Variants in REXO4 observed in about 807,000 individuals in gnomAD.
REXO4 encodes RNA exonuclease 4.
Under a neutral mutation model 39.9 loss-of-function variants are expected in REXO4, and 29 were observed. That is an observed-to-expected ratio of 0.73 (90% CI 0.54 to 0.99). REXO4 has a LOEUF of 0.99. Ranked by LOEUF, REXO4 falls within the 50% of genes least tolerant of loss-of-function variation. The pLI is 0.00. For synonymous variants in REXO4, 184 were observed against 206.2 expected, an observed-to-expected ratio of 0.89 and a Z score of 0.92; for missense variants, 524 against 546.5, an observed-to-expected ratio of 0.96 and a Z score of 0.41.
Position 133,406,795 on chromosome 9 carries a change from G to C in REXO4, c.*158C>G. The C allele has an allele frequency of 5.6e-6, 6 of 1,072,740 alleles. No homozygotes were observed. Among genetic ancestry groups the C allele is most frequent in the African/African-American group, 1.6e-5 (1 of 63,850 alleles). 66.5% of individuals were successfully genotyped at this position (1,072,740 alleles called of 1,614,324 possible). On this transcript the variant is annotated 3_prime_UTR_variant, in exon 8 of 8. Coordinates refer to ENST00000371942, the MANE Select transcript of REXO4 (RefSeq NM_020385.4). ...ACCAGGTTTCAGACCACAAAGTCAA[G>C]AGGAAGGAGGACCTTCTCAGTAGCA...
intron 1 of REXO4, among the ~76,000 whole-genome samples, chr9:133,415,220 T>C (rs1435123988): frequency 2.6e-5 from 4 of 152,190 alleles, no homozygotes; most frequent in Non-Finnish European, 5.9e-5. Flanking sequence ...TGCTGTTTCT[T>C]TGCTTATCTT....
chr9:133,408,930 A>C (rs905679053), intron 5 of REXO4, 88 bp from the exon 6 acceptor site: 5 of 529,930 alleles, frequency 9.4e-6, no homozygotes, highest in Admixed American at 2.7e-5. Flanking sequence ...TGCAAGTAAC[A>C]TCTTTGTGTG....
upstream of REXO4, chr9:133,418,069 A>G: frequency 3.6e-6 from 2 of 550,066 alleles, no homozygotes; most frequent in Non-Finnish European, 6.4e-6. Context: ...CCGGCTGGAA[A>G]CCGGATCCCT....
intron 6 of REXO4, among the ~76,000 whole-genome samples, chr9:133,408,200 A>G (rs372026217): frequency 6.6e-6 from 1 of 152,130 alleles, no homozygotes; most frequent in African/African-American, 2.4e-5. Flanking sequence ...CACACCTGTA[A>G]TCTCAGCACT....
At chr9:133,409,114 C>T (rs1298127380) in intron 5 of REXO4, among the ~76,000 whole-genome samples, 2 of 151,970 alleles carry the variant, frequency 1.3e-5, no homozygotes, top group African/African-American at 2.4e-5. Flanking sequence ...TACAAGTGCC[C>T]GCCACCATGC....
chr9:133,408,708 A>G (rs1839044920), intron 6 of REXO4, 60 bp downstream of exon 6: 1 of 1,202,852 alleles, frequency 8.3e-7, no homozygotes, highest in Non-Finnish European at 1.2e-6. Context: ...GTGACCAGAA[A>G]CAATGAAGTG....
chr9:133,413,545 G>A (rs914460939), intron 2 of REXO4, among the ~76,000 whole-genome samples: 9 of 152,124 alleles, frequency 5.9e-5, no homozygotes, highest in East Asian at 3.8e-4. Flanking sequence ...AAGGTAACAC[G>A]TTCATTATTG....
At chr9:133,414,638 C>T (rs190829972) in intron 2 of REXO4, 27 bp downstream of exon 2, 1 of 1,607,820 alleles carries the variant, frequency 6.2e-7, no homozygotes, top group East Asian at 2.2e-5. Context: ...TGCCTCGGTT[C>T]TCAGTGGTGA....
chr9:133,407,958 G>C lies in REXO4; in HGVS notation c.1075-77C>G, dbSNP rs1299824435. On this transcript the variant is annotated intron_variant, in intron 6 of 7. Coordinates refer to ENST00000371942, the MANE Select transcript of REXO4 (RefSeq NM_020385.4). Reference sequence around the variant, plus strand: ...GGGTCACCCCACCAAGCAGGGAGCGGTTGGCTACTGAACCTCACCCAAGCG... The same window carrying C: ...GGGTCACCCCACCAAGCAGGGAGCGCTTGGCTACTGAACCTCACCCAAGCG... 27 of 1,164,478 alleles carry C rather than the reference G, an allele frequency of 2.3e-5. No homozygotes were observed. The East Asian group carries it at 6.5e-4, about 28-fold the overall frequency. 72.1% of individuals were successfully genotyped at this position (1,164,478 alleles called of 1,614,324 possible).
At position 133,417,474 on chromosome 9, in the gene REXO4, G is replaced by T. The variant is rs1363664291; in HGVS notation, c.225+146C>A. ...ACAAGTTCGAGACCTCCCTCAACAGGCCACCTTTCTTGTGAAAAGCTGTTT... is the reference window on the plus strand; with the variant it reads ...ACAAGTTCGAGACCTCCCTCAACAGTCCACCTTTCTTGTGAAAAGCTGTTT... On this transcript the variant is annotated intron_variant, in intron 1 of 7. Transcript: ENST00000371942. The T allele has an allele frequency of 1.7e-5, 14 of 806,830 alleles. No individual in the cohort carries two copies. The East Asian group carries it at 3.5e-4, about 20-fold the overall frequency. 50.0% of individuals were successfully genotyped at this position (806,830 alleles called of 1,614,324 possible).
upstream of REXO4, chr9:133,418,048 T>C: frequency 1.7e-6 from 1 of 583,072 alleles, no homozygotes; most frequent in Non-Finnish European, 3.0e-6. Context: ...GAAGCGCTCG[T>C]CTCTCCACAA....
At chr9:133,411,117 TCAC>T (rs1554780052) in intron 4 of REXO4, 44 bp from the exon 5 acceptor site, 3 of 1,497,454 alleles carry the variant, frequency 2.0e-6, no homozygotes, top group Non-Finnish European at 1.9e-6. Flanking sequence ...AACACACACA[TCAC>T]CATCATTCTG....
At chr9:133,407,972 C>G in intron 6 of REXO4, 91 bp from the exon 7 acceptor site, 1 of 952,010 alleles carries the variant, frequency 1.1e-6, no homozygotes, top group Non-Finnish European at 1.6e-6. Context: ...GCTACTGAAC[C>G]TCACCCAAGC....
chr9:133,416,617 A>G (rs144482258), intron 1 of REXO4, among the ~76,000 whole-genome samples: 1 of 152,332 alleles, frequency 6.6e-6, no homozygotes, highest in African/African-American at 2.4e-5. Flanking sequence ...TGAGTGACGC[A>G]CGTGGAAGAG....
chr9:133,416,911 CGTAA>C (rs1839652436), intron 1 of REXO4, among the ~76,000 whole-genome samples: 2 of 152,200 alleles, frequency 1.3e-5, no homozygotes, highest in African/African-American at 2.4e-5. Flanking sequence ...ACTTCAAGAC[CGTAA>C]GTGTCGCTAG....
rs1286170572 is a variant in REXO4 at position 133,407,952 on chromosome 9, GGA to G, written c.1075-73_1075-72del. ...CAAAGAGGGTCACCCCACCAAGCAG[GGA>G]GCGGTTGGCTACTGAACCTCACCCA... On this transcript the variant is annotated intron_variant, in intron 6 of 7. Transcript: ENST00000371942. 2.2e-5 allele frequency: 27 copies of G among 1,254,636 alleles called. No homozygotes were observed. The East Asian group carries it at 6.4e-4, about 30-fold the overall frequency. The allele number at this position is 1,254,636 out of a possible 1,614,324, so 77.7% of individuals were successfully genotyped here.
At position 133,414,993 on chromosome 9, in the gene REXO4, A is replaced by AT. The variant is rs1839486523; in HGVS notation, c.243dup (p.Ser82IlefsTer75). The AT allele has an allele frequency of 6.3e-7, 1 of 1,582,344 alleles. No individual in the cohort carries two copies. Among genetic ancestry groups the AT allele is most frequent in the Admixed American group, 2.0e-5 (1 of 50,542 alleles). ...ACAAGAGGCTTTTCTGGGGCCTGAGATTTTTGTTTCAGCAGCCACTGGGAC... is the reference window on the plus strand; with the variant it reads ...ACAAGAGGCTTTTCTGGGGCCTGAGATTTTTTGTTTCAGCAGCCACTGGGAC... On this transcript the variant is annotated frameshift_variant, in exon 2 of 8. Transcript: ENST00000371942. LOFTEE classifies it high-confidence loss of function.
intron 3 of REXO4, 65 bp from the exon 4 acceptor site, chr9:133,412,557 C>A: frequency 6.4e-7 from 1 of 1,561,592 alleles, no homozygotes; most frequent in African/African-American, 1.4e-5. Context: ...AGGTCAGAGC[C>A]CCAGGGATCC....
intron 4 of REXO4, among the ~76,000 whole-genome samples, chr9:133,411,935 A>T (rs587636851): frequency 6.6e-6 from 1 of 152,136 alleles, no homozygotes; most frequent in Non-Finnish European, 1.5e-5. Context: ...TCAAAAAAAA[A>T]TAATAATTTT....
Sources: gnomAD v4.1 joint callset for allele counts (sites outside exome capture counted in the v4.1 genomes callset) on GRCh38, gnomAD v4.1.1 for gene constraint, MANE v1.5 for transcripts, NCBI Gene and HGNC (gene_info 2026-07-23, HGNC 2026-07-21) for gene names.